UGGT2: variants seen among roughly 807,000 people sequenced by gnomAD.
UGGT2 encodes the protein UDP-glucose:glycoprotein glucosyltransferase 2.
Under a neutral mutation model 192.1 loss-of-function variants are expected in UGGT2, and 180 were observed. That is an observed-to-expected ratio of 0.94 (90% CI 0.83 to 1.06). UGGT2 has a LOEUF of 1.06. Ranked by LOEUF, UGGT2 falls within the 50% of genes least tolerant of loss-of-function variation. The pLI, the probability that UGGT2 is intolerant of heterozygous loss-of-function variation, is 0.00. For missense variants in UGGT2, 1,849 were observed against 1,795.7 expected (o/e 1.03, Z -0.54); for synonymous variants, 580 against 591.0 (o/e 0.98, Z 0.27).
chr13:95,875,641 C>T (rs1184709248), intron 29 of UGGT2, among the ~76,000 whole-genome samples: 51 of 152,154 alleles, frequency 3.4e-4, no homozygotes, highest in Admixed American at 3.3e-3. Flanking sequence ...TGTGGTATGA[C>T]TAATAACTTC....
intron 24 of UGGT2, among the ~76,000 whole-genome samples, chr13:95,892,461 A>G (rs1289376885): frequency 6.6e-6 from 1 of 152,150 alleles, no homozygotes; most frequent in Non-Finnish European, 1.5e-5. Context: ...CCAGAAGAAT[A>G]CTGTCAAGCA....
At position 95,989,957 on chromosome 13, in the gene UGGT2, T is replaced by C. The variant is rs1188772425; in HGVS notation, c.931+16A>G. 9 of 1,551,598 alleles carry C rather than the reference T, an allele frequency of 5.8e-6. No homozygotes were observed. Among genetic ancestry groups the C allele is most frequent in the Non-Finnish European group, 7.0e-6 (8 of 1,139,360 alleles). ...GTTACCAAAATGCTGTGTTAAAGTATCTCAAAATACTATACCTTGTAGTTC... is the reference window on the plus strand; with the variant it reads ...GTTACCAAAATGCTGTGTTAAAGTACCTCAAAATACTATACCTTGTAGTTC... On this transcript the variant is annotated intron_variant, in intron 8 of 38. Coordinates refer to ENST00000376747, the MANE Select transcript of UGGT2 (RefSeq NM_020121.4).
chr13:95,996,134 A>C lies in UGGT2; in HGVS notation c.759T>G (p.Thr253=). Reference sequence around the variant, plus strand: ...CATCCTCTACAGTAGTATTAGTCACAGCTACATTTTGGAAACAAAACCAAA... The same window carrying C: ...CATCCTCTACAGTAGTATTAGTCACCGCTACATTTTGGAAACAAAACCAAA... ...YKALDDTQVK[T]VTNTTVEDET... The change falls in exon 7 of 39, where the codon ACT becomes ACG. Residue 253 remains threonine, a splice_region_variant and synonymous_variant. Transcript: ENST00000376747. The C allele has an allele frequency of 6.2e-7, 1 of 1,606,444 alleles. No individual in the cohort carries two copies. Among genetic ancestry groups the C allele is most frequent in the South Asian group, 1.1e-5 (1 of 88,738 alleles).
chr13:95,807,715 C>CTTTTTTTTTTTTTTTTTTTT (rs200081851), intron 38 of UGGT2, among the ~76,000 whole-genome samples: 1 of 48,040 alleles, frequency 2.1e-5, no homozygotes, highest in African/African-American at 1.2e-4. Flanking sequence ...TCAGCCCTCA[C>CTTTTTTTTTTTTTTTTTTTT]CTTTTTTTTT....
intron 36 of UGGT2, among the ~76,000 whole-genome samples, 192 bp downstream of exon 36, chr13:95,853,351 T>C (rs1566590905): frequency 6.6e-6 from 1 of 152,192 alleles, no homozygotes; most frequent in Non-Finnish European, 1.5e-5. Flanking sequence ...GAGGATAAAA[T>C]ACTATTAGTT....
chr13:95,861,267 C>T (rs1890140861), intron 31 of UGGT2, among the ~76,000 whole-genome samples: 1 of 152,040 alleles, frequency 6.6e-6, no homozygotes, highest in Non-Finnish European at 1.5e-5. Flanking sequence ...AACTACGGCA[C>T]AGCAAGAATT....
chr13:95,948,460 CA>C (rs912816674), intron 13 of UGGT2, among the ~76,000 whole-genome samples: 65 of 148,158 alleles, frequency 4.4e-4, no homozygotes, highest in African/African-American at 1.5e-3. Flanking sequence ...GAATTTTGAC[CA>C]AAAAAAAATA....
intron 36 of UGGT2, among the ~76,000 whole-genome samples, chr13:95,844,983 GAGTTTTAAATC>G (rs1888247443): frequency 6.6e-6 from 1 of 152,128 alleles, no homozygotes; most frequent in East Asian, 1.9e-4. Flanking sequence ...AGTGTGCTGA[GAGTTTTAAATC>G]AGGAAAGGAT....
chr13:95,962,781 T>A (rs1046186471), intron 12 of UGGT2, among the ~76,000 whole-genome samples: 1 of 152,116 alleles, frequency 6.6e-6, no homozygotes, highest in Non-Finnish European at 1.5e-5. Flanking sequence ...ATTGTATTAG[T>A]CTGTTTTCAT....
At chr13:95,894,483 T>C (rs1172250103) in intron 24 of UGGT2, 79 bp downstream of exon 24, 1 of 1,182,272 alleles carries the variant, frequency 8.5e-7, no homozygotes, top group Non-Finnish European at 1.2e-6. Flanking sequence ...ACCTTAAATT[T>C]TACCATGTTA....
chr13:95,961,711 G>T (rs1380730675), intron 12 of UGGT2, among the ~76,000 whole-genome samples: 1 of 151,984 alleles, frequency 6.6e-6, no homozygotes, highest in African/African-American at 2.4e-5. Context: ...AAGAACACTG[G>T]ATTTAAAATG....
intron 22 of UGGT2, among the ~76,000 whole-genome samples, chr13:95,895,811 A>C (rs546423021): frequency 6.6e-6 from 1 of 152,238 alleles, no homozygotes; most frequent in South Asian, 2.1e-4. Context: ...AAAACCCAAG[A>C]GAAAAATCAC....
intron 22 of UGGT2, 40 bp downstream of exon 22, chr13:95,900,767 G>A (rs750862423): frequency 1.3e-5 from 21 of 1,586,572 alleles, no homozygotes; most frequent in Middle Eastern, 1.7e-4. Flanking sequence ...GTGCACTGCA[G>A]TGTCACTGAG....
intron 2 of UGGT2, among the ~76,000 whole-genome samples, chr13:96,027,107 T>G (rs1296890693): frequency 6.6e-6 from 1 of 152,212 alleles, no homozygotes; most frequent in Non-Finnish European, 1.5e-5. Context: ...ATAAATGTTA[T>G]TTTAAATAAT....
chr13:95,947,374 T>C (rs2049907413), intron 14 of UGGT2, among the ~76,000 whole-genome samples: 1 of 152,108 alleles, frequency 6.6e-6, no homozygotes, highest in Non-Finnish European at 1.5e-5. Flanking sequence ...TCCTATAAAA[T>C]ATCACTCTCT....
chr13:95,906,059 G>A (rs1003015846), intron 20 of UGGT2, among the ~76,000 whole-genome samples: 8 of 151,912 alleles, frequency 5.3e-5, no homozygotes, highest in African/African-American at 9.7e-5. Flanking sequence ...TTTCAATTAC[G>A]TAGTTTTATC....
chr13:95,961,431 C>G (rs902560239), intron 12 of UGGT2, among the ~76,000 whole-genome samples: 2 of 151,942 alleles, frequency 1.3e-5, no homozygotes, highest in African/African-American at 4.8e-5. Flanking sequence ...CAAATGGAAA[C>G]CAAAAGCAAG....
intron 38 of UGGT2, among the ~76,000 whole-genome samples, chr13:95,818,877 G>A (rs772169931): frequency 1.1e-4 from 17 of 152,062 alleles, no homozygotes; most frequent in Non-Finnish European, 2.2e-4. Flanking sequence ...CCAGAGCTGC[G>A]GACACATGGA....
chr13:95,814,814 G>A (rs942058997), intron 38 of UGGT2, among the ~76,000 whole-genome samples: 2 of 152,042 alleles, frequency 1.3e-5, no homozygotes, highest in African/African-American at 4.8e-5. Context: ...CATGAACACA[G>A]ATGCAAAAAT....
Sources: gnomAD v4.1 joint callset for allele counts (sites outside exome capture counted in the v4.1 genomes callset) on GRCh38, gnomAD v4.1.1 for gene constraint, MANE v1.5 for transcripts, NCBI Gene and HGNC (gene_info 2026-07-23, HGNC 2026-07-21) for gene names.